DACH2: variants seen among roughly 807,000 people sequenced by gnomAD.
DACH2 encodes the protein dachshund family transcription factor 2.
In DACH2, 17 loss-of-function variants were observed where a neutral mutation model predicts 35.8. That is an observed-to-expected ratio of 0.48 (90% CI 0.33 to 0.71). The LOEUF is 0.71. Ranked by LOEUF, DACH2 falls within the 30% of genes least tolerant of loss-of-function variation. DACH2 has a pLI of 0.02. For synonymous variants in DACH2, 195 were observed against 177.3 expected, an observed-to-expected ratio of 1.10 and a Z score of -0.79; for missense variants, 469 against 472.7, an observed-to-expected ratio of 0.99 and a Z score of 0.07.
chrX:86,424,587 T>C (rs1030197717), intron 2 of DACH2, among the ~76,000 whole-genome samples: 1 of 111,806 alleles, frequency 8.9e-6, no homozygotes, highest in Non-Finnish European at 1.9e-5. Flanking sequence ...TTTTGTAGTC[T>C]TTAGGTTTTT....
chrX:86,375,413 G>GTA (rs1446198033), intron 1 of DACH2, among the ~76,000 whole-genome samples: 10 of 97,607 alleles, frequency 1.0e-4, no homozygotes, highest in South Asian at 4.5e-4. Flanking sequence ...ATATATATAT[G>GTA]TATATATATA....
intron 2 of DACH2, among the ~76,000 whole-genome samples, chrX:86,411,173 C>A (rs770070587): frequency 1.9e-5 from 2 of 105,165 alleles, no homozygotes; most frequent in Non-Finnish European, 1.9e-5. Context: ...GTCCGATGTT[C>A]GAGGGCAGGA....
At chrX:86,187,076 T>C (rs1417694949) in intron 1 of DACH2, among the ~76,000 whole-genome samples, 5 of 112,113 alleles carry the variant, frequency 4.5e-5, no homozygotes, top group Admixed American at 2.9e-4. Flanking sequence ...CTCAGTTTTC[T>C]TTGTGATCTT....
chrX:86,633,415 A>G (rs755971546), intron 3 of DACH2, among the ~76,000 whole-genome samples: 33 of 111,684 alleles, frequency 3.0e-4, no homozygotes, highest in Admixed American at 2.7e-3. Flanking sequence ...GAAATGCTGG[A>G]CAGACCAATA....
intron 2 of DACH2, among the ~76,000 whole-genome samples, chrX:86,510,200 C>T (rs1413622357): frequency 3.6e-5 from 4 of 112,079 alleles, no homozygotes; most frequent in African/African-American, 1.3e-4. Flanking sequence ...ATCACTCTTA[C>T]TCAGTTGCTT....
At chrX:86,639,536 G>A (rs2040319944) in intron 3 of DACH2, among the ~76,000 whole-genome samples, 1 of 111,690 alleles carries the variant, frequency 9.0e-6, no homozygotes, top group African/African-American at 3.3e-5. Context: ...CCCTAGGAAA[G>A]AGGCTGAATC....
intron 2 of DACH2, among the ~76,000 whole-genome samples, chrX:86,447,356 A>G (rs1224134164): frequency 2.5e-3 from 23 of 9,055 alleles, no homozygotes; most frequent in African/African-American, 0.01. Context: ...TGTTTTGGAC[A>G]TGAAGTCCTT....
intron 1 of DACH2, among the ~76,000 whole-genome samples, chrX:86,348,084 T>C (rs1295044442): frequency 9.0e-6 from 1 of 111,606 alleles, no homozygotes. Context: ...AATGCAGGTA[T>C]ATTTCTAGAG....
chrX:86,654,614 T>G (rs187919420), intron 4 of DACH2, among the ~76,000 whole-genome samples: 64 of 111,311 alleles, frequency 5.7e-4, no homozygotes, highest in Non-Finnish European at 1.1e-3. Context: ...AATCCATAGA[T>G]AAGAATAAAA....
chrX:86,404,169 C>T (rs776277579), intron 2 of DACH2, among the ~76,000 whole-genome samples: 51 of 110,595 alleles, frequency 4.6e-4, no homozygotes, highest in Non-Finnish European at 6.8e-4. Flanking sequence ...CATCCCACCC[C>T]TGGCCCCTCC....
intron 1 of DACH2, among the ~76,000 whole-genome samples, chrX:86,256,858 T>C (rs1449703974): frequency 9.0e-6 from 1 of 111,719 alleles, no homozygotes; most frequent in Non-Finnish European, 1.9e-5. Context: ...TTTGTGTGTG[T>C]GTATATTCTT....
At chrX:86,255,611 A>G (rs1602328110) in intron 1 of DACH2, among the ~76,000 whole-genome samples, 1 of 111,460 alleles carries the variant, frequency 9.0e-6, no homozygotes, top group Non-Finnish European at 1.9e-5. Flanking sequence ...TGACATGTAA[A>G]TAGAACCTAG....
At chrX:86,670,193 T>C (rs2040748776) in intron 4 of DACH2, among the ~76,000 whole-genome samples, 1 of 111,299 alleles carries the variant, frequency 9.0e-6, no homozygotes, top group Non-Finnish European at 1.9e-5. Flanking sequence ...AAAGTTAGGA[T>C]GATAAATATA....
At chrX:86,786,836 C>T (rs185019015) in intron 7 of DACH2, among the ~76,000 whole-genome samples, 97 of 112,119 alleles carry the variant, frequency 8.7e-4, no homozygotes, top group African/African-American at 2.8e-3. Context: ...CCACCCAGAT[C>T]TCATCTTGAA....
chrX:86,348,177 A>G (rs780722144), intron 1 of DACH2, among the ~76,000 whole-genome samples: 63 of 111,826 alleles, frequency 5.6e-4, no homozygotes, highest in African/African-American at 1.9e-3. Flanking sequence ...GTAAAAGGCT[A>G]GTTCATGTAC....
chrX:86,324,618 G>A (rs2035077615), intron 1 of DACH2, among the ~76,000 whole-genome samples: 1 of 80,891 alleles, frequency 1.2e-5, no homozygotes, highest in Non-Finnish European at 2.2e-5. Context: ...TCACTCTGTG[G>A]CCCAGGCTGG....
rs2040046455 is a variant in DACH2, at chrX:86,619,675, C to T, written c.641-31361C>T. Reference sequence around the variant, plus strand: ...CAGATACTGCATAATACTGACCTATCATCTTTTTCCCACGCAAACTGTGCA... The same window carrying T: ...CAGATACTGCATAATACTGACCTATTATCTTTTTCCCACGCAAACTGTGCA... On this transcript the variant is annotated intron_variant, in intron 3 of 11. Coordinates refer to ENST00000373125, the MANE Select transcript of DACH2 (RefSeq NM_053281.3). 2.7e-5 allele frequency among the ~76,000 whole-genome samples: 3 copies of T among 111,923 alleles called. No individual in the cohort carries two copies. In the South Asian group the frequency reaches 1.1e-3, roughly 42 times the overall value.
chrX:86,312,286 T>C (rs757275118), intron 1 of DACH2, among the ~76,000 whole-genome samples: 1 of 112,323 alleles, frequency 8.9e-6, no homozygotes, highest in Admixed American at 9.4e-5. Flanking sequence ...AGCATTTAAG[T>C]ATTGTTAACT....
At chrX:86,410,133 G>T (rs939879932) in intron 2 of DACH2, among the ~76,000 whole-genome samples, 3 of 111,989 alleles carry the variant, frequency 2.7e-5, no homozygotes, top group Non-Finnish European at 3.8e-5. Context: ...AACTTGCACC[G>T]TTAATAGCAA....
Sources: gnomAD v4.1 joint callset for allele counts (sites outside exome capture counted in the v4.1 genomes callset) on GRCh38, gnomAD v4.1.1 for gene constraint, MANE v1.5 for transcripts, NCBI Gene and HGNC (gene_info 2026-07-23, HGNC 2026-07-21) for gene names.